EXOC6B: variants seen among roughly 807,000 people sequenced by gnomAD.
EXOC6B encodes the protein exocyst complex component 6B.
Under a neutral mutation model 113.5 loss-of-function variants are expected in EXOC6B, and 54 were observed. The ratio of observed to expected loss-of-function variants is 0.48; its 90% CI spans 0.38 to 0.60. EXOC6B has a LOEUF of 0.60. EXOC6B is among the 20% of genes least tolerant of loss of function. The probability of loss-of-function intolerance (pLI) is 0.00; values close to 1 mark genes in which losing one functional copy is unlikely to be tolerated. For missense variants in EXOC6B, 797 were observed against 977.5 expected (o/e 0.82, Z 2.46); for synonymous variants, 357 against 339.0 (o/e 1.05, Z -0.58).
At chr2:72,288,624 C>T (rs770781110) in intron 20 of EXOC6B, among the ~76,000 whole-genome samples, 24 of 151,910 alleles carry the variant, frequency 1.6e-4, no homozygotes, top group Admixed American at 5.9e-4. Context: ...TATATAATCC[C>T]ACTAGATACT....
At chr2:72,689,809 C>T (rs1340619744) in intron 6 of EXOC6B, among the ~76,000 whole-genome samples, 1 of 152,202 alleles carries the variant, frequency 6.6e-6, no homozygotes, top group Non-Finnish European at 1.5e-5. Flanking sequence ...TAGCTAGGTG[C>T]ATACTCAAGT....
chr2:72,799,208 C>T (rs1234714164), intron 1 of EXOC6B, among the ~76,000 whole-genome samples: 4 of 136,668 alleles, frequency 2.9e-5, no homozygotes, highest in African/African-American at 1.2e-4. Flanking sequence ...CCACTGCACT[C>T]CAGCCTGGGT....
chr2:72,465,855 T>C (rs185655807), intron 17 of EXOC6B, among the ~76,000 whole-genome samples: 115 of 152,312 alleles, frequency 7.6e-4, no homozygotes, highest in African/African-American at 2.7e-3. Flanking sequence ...TGTCTTCCCG[T>C]GGAATTCATG....
chr2:72,196,259 A>C (rs1283124328), intron 20 of EXOC6B, among the ~76,000 whole-genome samples: 2 of 152,200 alleles, frequency 1.3e-5, no homozygotes, highest in African/African-American at 4.8e-5. Flanking sequence ...GCCTTATATG[A>C]GTCATTATTA....
At chr2:72,446,115 C>T (rs961380753) in intron 18 of EXOC6B, among the ~76,000 whole-genome samples, 2 of 152,114 alleles carry the variant, frequency 1.3e-5, no homozygotes, top group Admixed American at 6.5e-5. Flanking sequence ...AGCAGAACTA[C>T]CATTTGATCC....
intron 18 of EXOC6B, among the ~76,000 whole-genome samples, chr2:72,380,517 G>C (rs1691617823): frequency 6.6e-6 from 1 of 152,070 alleles, no homozygotes; most frequent in South Asian, 2.1e-4. Flanking sequence ...GCAGGCGCCT[G>C]TAGTCCCAGC....
At chr2:72,686,453 A>G (rs1391866573) in intron 6 of EXOC6B, among the ~76,000 whole-genome samples, 2 of 152,234 alleles carry the variant, frequency 1.3e-5, no homozygotes, top group African/African-American at 4.8e-5. Context: ...TAGATATCTT[A>G]GAATGTACAA....
intron 20 of EXOC6B, among the ~76,000 whole-genome samples, chr2:72,328,966 C>T (rs1688284190): frequency 6.6e-6 from 1 of 152,174 alleles, no homozygotes; most frequent in South Asian, 2.1e-4. Context: ...GTATAGATGG[C>T]TCCCAGTTTT....
intron 6 of EXOC6B, among the ~76,000 whole-genome samples, chr2:72,672,683 A>C (rs376639198): frequency 6.6e-6 from 1 of 152,220 alleles, no homozygotes; most frequent in Admixed American, 6.5e-5. Flanking sequence ...AGGTCATTAC[A>C]TTAAGTGAAA....
intron 1 of EXOC6B, among the ~76,000 whole-genome samples, chr2:72,780,027 T>C (rs748877325): frequency 3.9e-5 from 6 of 152,194 alleles, no homozygotes; most frequent in Non-Finnish European, 7.3e-5. Flanking sequence ...TGTTTTCAGA[T>C]GCTTGGTATA....
intron 1 of EXOC6B, among the ~76,000 whole-genome samples, chr2:72,788,152 T>C (rs1684478094): frequency 6.6e-6 from 1 of 152,230 alleles, no homozygotes; most frequent in Non-Finnish European, 1.5e-5. Flanking sequence ...GTTATTTCTA[T>C]ATTATTCAAC....
At chr2:72,295,361 A>G (rs927052613) in intron 20 of EXOC6B, among the ~76,000 whole-genome samples, 3 of 152,184 alleles carry the variant, frequency 2.0e-5, no homozygotes, top group Admixed American at 1.3e-4. Context: ...GCCTAAAAAC[A>G]TGAACAAGTT....
intron 6 of EXOC6B, among the ~76,000 whole-genome samples, chr2:72,624,978 C>T (rs1420719601): frequency 6.6e-6 from 1 of 150,576 alleles, no homozygotes; most frequent in African/African-American, 2.5e-5. Context: ...GCATTTTATA[C>T]TCTTCTACCT....
chr2:72,733,179 G>T, intron 2 of EXOC6B, 61 bp from the exon 3 acceptor site: 2 of 1,209,726 alleles, frequency 1.7e-6, no homozygotes, highest in East Asian at 5.0e-5. Context: ...AGTTGAAAAA[G>T]ATCTAAATTT....
chr2:72,246,180 T>C (rs1682646275), intron 20 of EXOC6B, among the ~76,000 whole-genome samples: 3 of 152,154 alleles, frequency 2.0e-5, no homozygotes, highest in Admixed American at 1.3e-4. Flanking sequence ...TGAACCACCA[T>C]GTCCAGCCTT....
At chr2:72,379,113 G>A (rs1407911554) in intron 19 of EXOC6B, among the ~76,000 whole-genome samples, 3 of 152,140 alleles carry the variant, frequency 2.0e-5, no homozygotes, top group Non-Finnish European at 4.4e-5. Flanking sequence ...TCTTCTGACT[G>A]TAATATACAT....
At chr2:72,753,124 G>A (rs1043177246) in intron 1 of EXOC6B, among the ~76,000 whole-genome samples, 3 of 151,838 alleles carry the variant, frequency 2.0e-5, no homozygotes, top group Non-Finnish European at 2.9e-5. Context: ...AAAACTACTC[G>A]GCTGGGCATG....
At chr2:72,507,263 A>T (rs74583306) in intron 11 of EXOC6B, among the ~76,000 whole-genome samples, 1 of 152,232 alleles carries the variant, frequency 6.6e-6, no homozygotes, top group African/African-American at 2.4e-5. Flanking sequence ...GGTACTACTA[A>T]TAAAATAAAT....
In EXOC6B at chr2:72,397,625, A is replaced by AAAAT. The variant is rs1553396402; in HGVS notation, c.1981-17756_1981-17755insATTT. ...CAGGTGAAACCTCATCTCAAAAAAA[A>AAAAT]AAAATAAAATAAAATAAAATAAAAT... On this transcript the variant is annotated intron_variant, in intron 18 of 21. Coordinates refer to ENST00000272427, the MANE Select transcript of EXOC6B (RefSeq NM_015189.3). 4.4e-3 allele frequency among the ~76,000 whole-genome samples: 458 copies of AAAAT among 104,070 alleles called. 2 individuals are homozygous for AAAAT. The highest frequency in any genetic ancestry group is 0.028 in the African/African-American group (359 of 12,636). 68.3% of individuals were successfully genotyped at this position (104,070 alleles called of 152,430 possible). A position where few individuals can be genotyped will look rare whatever the true frequency, so the allele number is the denominator to read the frequency against.
Sources: gnomAD v4.1 joint callset for allele counts (sites outside exome capture counted in the v4.1 genomes callset) on GRCh38, gnomAD v4.1.1 for gene constraint, MANE v1.5 for transcripts, NCBI Gene and HGNC (gene_info 2026-07-23, HGNC 2026-07-21) for gene names.